Variants in CALCRL observed in about 807,000 individuals in gnomAD.
CALCRL encodes calcitonin receptor like receptor.
In CALCRL, 27 loss-of-function variants were observed where a neutral mutation model predicts 60.4. That is an observed-to-expected ratio of 0.45 (90% CI 0.33 to 0.62). The LOEUF (loss-of-function observed/expected upper bound fraction) is 0.62, where lower values mean the gene tolerates loss of function less well. Ranked by LOEUF, CALCRL falls within the 20% of genes least tolerant of loss-of-function variation. CALCRL has a pLI of 0.03. For missense variants in CALCRL, 424 were observed against 540.7 expected (o/e 0.78, Z 2.14); for synonymous variants, 190 against 182.6 (o/e 1.04, Z -0.33).
rs1050122118 is a variant in CALCRL, at chr2:187,344,085, C to T, written c.*2099G>A. 1.3e-5 allele frequency: 2 copies of T among 151,494 alleles called. No individual in the cohort carries two copies. Among genetic ancestry groups the T allele is most frequent in the Admixed American group, 6.6e-5 (1 of 15,162 alleles). 9.4% of individuals were successfully genotyped at this position (151,494 alleles called of 1,614,324 possible). A position where few individuals can be genotyped will look rare whatever the true frequency, so the allele number is the denominator to read the frequency against. ...CTAGAAGAAGGCTGATATATGTCAA[C>T]ATGGTCAGCAAAGGATTTAAATATG... On this transcript the variant is annotated 3_prime_UTR_variant, in exon 15 of 15. Transcript: ENST00000392370.
At chr2:187,382,133 T>TA (rs1688008798) in intron 5 of CALCRL, among the ~76,000 whole-genome samples, 1 of 152,186 alleles carries the variant, frequency 6.6e-6, no homozygotes, top group African/African-American at 2.4e-5. Flanking sequence ...GGTAATGTGA[T>TA]AGAGTGCAAG....
intron 1 of CALCRL, among the ~76,000 whole-genome samples, chr2:187,390,781 A>G (rs1397281318): frequency 6.6e-6 from 1 of 152,118 alleles, no homozygotes; most frequent in African/African-American, 2.4e-5. Context: ...GTGTATTCCT[A>G]ATCAAGGGGG....
At chr2:187,370,863 T>C (rs1215862210) in intron 8 of CALCRL, among the ~76,000 whole-genome samples, 1 of 152,208 alleles carries the variant, frequency 6.6e-6, no homozygotes. Context: ...TAAGAATGTT[T>C]TCACCTCTCA....
chr2:187,363,900 T>G (rs191175887), intron 8 of CALCRL, among the ~76,000 whole-genome samples: 2 of 152,350 alleles, frequency 1.3e-5, no homozygotes, highest in East Asian at 3.9e-4. Context: ...CAGATTCTCA[T>G]GTGGATAACT....
chr2:187,386,433 A>AT (rs768410879), intron 3 of CALCRL, among the ~76,000 whole-genome samples: 5 of 152,190 alleles, frequency 3.3e-5, no homozygotes, highest in Non-Finnish European at 4.4e-5. Context: ...CTGAAAATCA[A>AT]TTTTTTAAAA....
chr2:187,397,069 A>G (rs1022423347), intron 1 of CALCRL, among the ~76,000 whole-genome samples: 1 of 151,760 alleles, frequency 6.6e-6, no homozygotes, highest in Admixed American at 6.6e-5. Context: ...CCTACACCAG[A>G]AAGCTATTGT....
At chr2:187,353,333 A>G (rs1686617330) in intron 12 of CALCRL, among the ~76,000 whole-genome samples, 1 of 151,882 alleles carries the variant, frequency 6.6e-6, no homozygotes, top group South Asian at 2.1e-4. Context: ...TAGTTCTGGC[A>G]TCTGCCCTTT....
intron 1 of CALCRL, among the ~76,000 whole-genome samples, chr2:187,447,816 A>T (rs1201834654): frequency 2.0e-5 from 3 of 152,026 alleles, no homozygotes; most frequent in African/African-American, 7.2e-5. Context: ...ATACTTGCTA[A>T]ATTTATTTTC....
At chr2:187,427,399 T>C (rs1690190853) in intron 1 of CALCRL, among the ~76,000 whole-genome samples, 1 of 152,154 alleles carries the variant, frequency 6.6e-6, no homozygotes, top group Non-Finnish European at 1.5e-5. Context: ...GTTGTTGCAT[T>C]TGAGAACCAT....
At chr2:187,421,005 G>A (rs1215393387) in intron 1 of CALCRL, among the ~76,000 whole-genome samples, 1 of 152,154 alleles carries the variant, frequency 6.6e-6, no homozygotes, top group Non-Finnish European at 1.5e-5. Flanking sequence ...TTTCTTAGCT[G>A]GAACTGTATG....
chr2:187,385,769 T>A (rs978969447), intron 3 of CALCRL, 138 bp from the exon 4 acceptor site: 6 of 593,946 alleles, frequency 1.0e-5, no homozygotes, highest in Middle Eastern at 4.8e-4. Flanking sequence ...TCATTTTTTT[T>A]AAGACAAGGT....
intron 14 of CALCRL, among the ~76,000 whole-genome samples, chr2:187,350,377 CTATT>C (rs1686472287): frequency 6.6e-6 from 1 of 151,380 alleles, no homozygotes; most frequent in Non-Finnish European, 1.5e-5. Context: ...ATAATAAAAT[CTATT>C]TGAATTTTAC....
At chr2:187,365,799 C>T (rs1239681620) in intron 8 of CALCRL, among the ~76,000 whole-genome samples, 1 of 151,954 alleles carries the variant, frequency 6.6e-6, no homozygotes, top group African/African-American at 2.4e-5. Context: ...AAGCCATGAA[C>T]AGAAAGAAAG....
intron 1 of CALCRL, among the ~76,000 whole-genome samples, chr2:187,416,143 T>A (rs184121835): frequency 6.6e-6 from 1 of 152,350 alleles, no homozygotes; most frequent in East Asian, 1.9e-4. Flanking sequence ...GTAACGCATA[T>A]ATTAATTGGA....
At chr2:187,440,685 C>A (rs182999912) in intron 1 of CALCRL, among the ~76,000 whole-genome samples, 1 of 152,136 alleles carries the variant, frequency 6.6e-6, no homozygotes, top group South Asian at 2.1e-4. Flanking sequence ...TGTGTTATAT[C>A]TAAACTCAAA....
At position 187,391,510 on chromosome 2, in the gene CALCRL, G is replaced by A. The variant is rs532999148; in HGVS notation, c.-292-3754C>T. On this transcript the variant is annotated intron_variant, in intron 1 of 14. Transcript: ENST00000392370. ...TGTTTAGTAGGAAAAGAACTTCAGA[G>A]TTGTGAAAGCTCTAATTTATACTGT... Among the ~76,000 whole-genome samples, 4 of 152,214 alleles carry A rather than the reference G, an allele frequency of 2.6e-5. No individual in the cohort carries two copies. In the East Asian group the frequency reaches 7.7e-4, roughly 29 times the overall value.
intron 8 of CALCRL, among the ~76,000 whole-genome samples, 187 bp from the exon 9 acceptor site, chr2:187,363,689 G>A (rs1315722628): frequency 2.6e-5 from 4 of 152,074 alleles, no homozygotes; most frequent in African/African-American, 7.2e-5. Context: ...AAAACCTAGA[G>A]ACAAATGAGT....
chr2:187,380,757 C>T lies in CALCRL; in HGVS notation c.215G>A (p.Trp72Ter), dbSNP rs868756218. 2 of 1,614,004 alleles carry T rather than the reference C, an allele frequency of 1.2e-6. No homozygotes were observed. Among genetic ancestry groups the T allele is most frequent in the Non-Finnish European group, 1.7e-6 (2 of 1,179,948 alleles). The change falls in exon 6 of 15, where the codon TGG becomes TAG. Residue 72 changes from tryptophan (W) to a stop codon, truncating the protein, a stop_gained. Coordinates refer to ENST00000392370, the MANE Select transcript of CALCRL (RefSeq NM_005795.6). LOFTEE classifies it high-confidence loss of function. ...TGCTGCAACATCGTTCCAGCAGAGCCATCCATCCCAGGTTCTGTTGCAGTA... is the reference window on the plus strand; with the variant it reads ...TGCTGCAACATCGTTCCAGCAGAGCTATCCATCCCAGGTTCTGTTGCAGTA... ...GVYCNRTWDG[W>*]LCWNDVAAGT...
intron 1 of CALCRL, among the ~76,000 whole-genome samples, chr2:187,439,286 C>T (rs1690785230): frequency 6.6e-6 from 1 of 151,964 alleles, no homozygotes; most frequent in Admixed American, 6.6e-5. Context: ...AGTTTGAGAC[C>T]AGCCTGGCCA....
Sources: gnomAD v4.1 joint callset for allele counts (sites outside exome capture counted in the v4.1 genomes callset) on GRCh38, gnomAD v4.1.1 for gene constraint, MANE v1.5 for transcripts, NCBI Gene and HGNC (gene_info 2026-07-23, HGNC 2026-07-21) for gene names.